Variants in PUDP observed in about 807,000 individuals in gnomAD.
PUDP encodes pseudouridine 5'-phosphatase.
PUDP carries 8 observed loss-of-function variants against 9.4 expected under a neutral mutation model. The ratio of observed to expected loss-of-function variants is 0.85; its 90% CI spans 0.50 to 1.53. The LOEUF is 1.53. PUDP is among the 40% of genes most tolerant of loss of function. The pLI is 0.00. For synonymous variants in PUDP, 99 were observed against 80.7 expected, an observed-to-expected ratio of 1.23 and a Z score of -1.22; for missense variants, 188 against 189.7, an observed-to-expected ratio of 0.99 and a Z score of 0.05.
chrX:6,903,952 A>ATT (rs1194475715), intron 3 of PUDP, among the ~76,000 whole-genome samples: 2 of 80,336 alleles, frequency 2.5e-5, no homozygotes, highest in East Asian at 4.4e-4. Flanking sequence ...ATATATATAT[A>ATT]TTTATTTTTT....
rs757443612 is a variant in PUDP, at chrX:7,057,734, T to C, written c.511-7262A>G. 221 of 1,150,478 alleles carry C rather than the reference T, an allele frequency of 1.9e-4. No homozygotes were observed. The highest frequency in any genetic ancestry group is 4.6e-4 in the Middle Eastern group (2 of 4,323). The allele number at this position is 1,150,478 out of a possible 1,213,427, so 94.8% of individuals were successfully genotyped here. Reference sequence around the variant, plus strand: ...AGGTGTCATCAGAGCAGAGAAGCAGTTGATTACACAGAAGGAGGAGCGCTG... The same window carrying C: ...AGGTGTCATCAGAGCAGAGAAGCAGCTGATTACACAGAAGGAGGAGCGCTG... On this transcript the variant is annotated intron_variant, in intron 3 of 3. Transcript: ENST00000381077.
At chrX:7,006,267 T>C (rs746597954) in intron 1 of PUDP, among the ~76,000 whole-genome samples, 2 of 112,239 alleles carry the variant, frequency 1.8e-5, no homozygotes, top group South Asian at 3.7e-4. Flanking sequence ...ATGTTTTTCA[T>C]AGTGGCTGCA....
At position 7,106,642 on chromosome X, in the gene PUDP, A is replaced by C. The variant is rs563910702; in HGVS notation, c.62-804T>G. On this transcript the variant is annotated intron_variant, in intron 1 of 3. Coordinates refer to ENST00000381077, the MANE Select transcript of PUDP (RefSeq NM_012080.5). ...AATTGCACTCATATTACCAATAAGA[A>C]TACTACTGAGGATGCTACTACAGTG... Among the ~76,000 whole-genome samples the C allele has an allele frequency of 6.7e-4, 75 of 111,916 alleles. 1 individual carries two copies. The highest frequency in any genetic ancestry group is 2.3e-3 in the African/African-American group (72 of 30,801).
At chrX:7,128,908 T>A (rs1225085433) in intron 1 of PUDP, among the ~76,000 whole-genome samples, 1 of 111,793 alleles carries the variant, frequency 8.9e-6, no homozygotes, top group African/African-American at 3.3e-5. Context: ...CAAGAATTCG[T>A]ATTTTTTATA....
At chrX:7,082,427 C>G (rs4830590) in intron 2 of PUDP, among the ~76,000 whole-genome samples, 27,948 of 111,524 alleles carry the variant, frequency 0.25, 2,703 homozygotes, top group Admixed American at 0.41. Context: ...ATTCTCTGTA[C>G]TACCTAAGAC....
chrX:6,757,537 T>C (rs1040287767), intron 3 of PUDP, among the ~76,000 whole-genome samples: 2 of 111,309 alleles, frequency 1.8e-5, no homozygotes, highest in Non-Finnish European at 3.8e-5. Context: ...AAATTATTTT[T>C]TTCCCCTGGA....
intron 3 of PUDP, among the ~76,000 whole-genome samples, chrX:6,874,766 T>C (rs1436124550): frequency 3.6e-5 from 4 of 112,359 alleles, no homozygotes; most frequent in African/African-American, 1.3e-4. Flanking sequence ...AAATATACTG[T>C]TACTATTGAC....
At chrX:6,720,244 ATGTGTGTGTGTGTG>A (rs755475547) in intron 1 of PUDP, among the ~76,000 whole-genome samples, 1 of 63,597 alleles carries the variant, frequency 1.6e-5, no homozygotes, top group African/African-American at 5.7e-5. Context: ...GTATATATGT[ATGTGTGTGTGTGTG>A]TATATATATA....
intron 1 of PUDP, among the ~76,000 whole-genome samples, chrX:7,128,284 C>T (rs1384429598): frequency 6.3e-5 from 7 of 111,927 alleles, no homozygotes; most frequent in African/African-American, 2.3e-4. Flanking sequence ...TCAAGTGATC[C>T]ACATGCCTCG....
chrX:6,876,865 A>C lies in PUDP; in HGVS notation c.*247+100268T>G, dbSNP rs774843509. The stretch of plus-strand genomic sequence containing the variant: ...TATACATATAGACATATGTGTATAC[A>C]CACACATATAAATATAGACACATAT... On this transcript the variant is annotated intron_variant and NMD_transcript_variant, in intron 3 of 3. Coordinates refer to the PUDP transcript ENST00000655425. 1.3e-4 allele frequency among the ~76,000 whole-genome samples: 14 copies of C among 110,798 alleles called. No homozygotes were observed. The East Asian group carries it at 4.0e-3, about 32-fold the overall frequency.
chrX:7,122,213 ATATGTG>A (rs1334121331), intron 1 of PUDP, among the ~76,000 whole-genome samples: 110 of 59,877 alleles, frequency 1.8e-3, no homozygotes, highest in African/African-American at 9.0e-3. Flanking sequence ...AAAAACCCAT[ATATGTG>A]TGTGTGTGTG....
chrX:6,754,760 C>T (rs1399106359), intron 3 of PUDP, among the ~76,000 whole-genome samples: 1 of 110,547 alleles, frequency 9.0e-6, no homozygotes, highest in Non-Finnish European at 1.9e-5. Context: ...TGTCTGCCTA[C>T]TCACTAAAAT....
At chrX:6,891,442 C>A (rs1052502643) in intron 3 of PUDP, among the ~76,000 whole-genome samples, 4 of 111,912 alleles carry the variant, frequency 3.6e-5, no homozygotes, top group South Asian at 3.8e-4. Context: ...GGCTCTCTGC[C>A]TTCCCCTTTC....
At chrX:6,752,838 C>G (rs1280255434) in intron 3 of PUDP, among the ~76,000 whole-genome samples, 3 of 111,719 alleles carry the variant, frequency 2.7e-5, no homozygotes, top group Non-Finnish European at 5.6e-5. Flanking sequence ...TCACCTAATA[C>G]AGGAGCCACG....
intron 2 of PUDP, among the ~76,000 whole-genome samples, chrX:7,097,155 G>A (rs1931596301): frequency 9.0e-6 from 1 of 111,708 alleles, no homozygotes; most frequent in African/African-American, 3.3e-5. Flanking sequence ...GGCTGCAGGC[G>A]TTGTGTGCCA....
chrX:6,932,785 C>T (rs1448932220), intron 3 of PUDP, among the ~76,000 whole-genome samples: 22 of 111,828 alleles, frequency 2.0e-4, no homozygotes, highest in Admixed American at 1.9e-3. Flanking sequence ...GCTTTTCAGA[C>T]GGGCTTAAAA....
intron 3 of PUDP, among the ~76,000 whole-genome samples, chrX:6,789,982 GATA>G (rs1925716622): frequency 5.6e-5 from 1 of 17,827 alleles, no homozygotes; most frequent in Non-Finnish European, 1.3e-4. Context: ...AGATCATAGA[GATA>G]GATAGAGTAG....
chrX:6,719,342 T>A (rs945032777), intron 1 of PUDP, among the ~76,000 whole-genome samples: 1 of 111,370 alleles, frequency 9.0e-6, no homozygotes, highest in African/African-American at 3.3e-5. Flanking sequence ...CCTAATTACC[T>A]CTTTAAGGTC....
intron 3 of PUDP, among the ~76,000 whole-genome samples, chrX:6,907,048 C>T (rs961503540): frequency 1.8e-5 from 2 of 111,188 alleles, no homozygotes; most frequent in African/African-American, 6.5e-5. Flanking sequence ...GCTGTGTCCT[C>T]ACCCAAATCT....
Sources: allele counts gnomAD v4.1 joint callset (sites outside exome capture counted in the v4.1 genomes callset), GRCh38; gene constraint gnomAD v4.1.1; transcripts MANE v1.5; gene names NCBI Gene and HGNC (gene_info 2026-07-23, HGNC 2026-07-21).